Variants in ADCY2 observed in about 807,000 individuals in gnomAD.
ADCY2 encodes adenylate cyclase 2, also known as adenylate cyclase type 2.
ADCY2 carries 31 observed loss-of-function variants against 125.2 expected under a neutral mutation model. The observed-to-expected ratio is 0.25, with a 90% CI of 0.19 to 0.33. ADCY2 has a LOEUF of 0.33. ADCY2 is among the 10% of genes least tolerant of loss of function. The pLI, the probability that ADCY2 is intolerant of heterozygous loss-of-function variation, is 1.00. For missense variants in ADCY2, 904 were observed against 1,418.2 expected (o/e 0.64, Z 5.82); for synonymous variants, 512 against 548.4 (o/e 0.93, Z 0.93).
rs548907774 is a variant in ADCY2 at position 7,500,355 on chromosome 5, T to C, written c.409-20383T>C. 3.9e-5 allele frequency among the ~76,000 whole-genome samples: 6 copies of C among 152,322 alleles called. No individual in the cohort carries two copies. The South Asian group carries it at 1.2e-3, about 32-fold the overall frequency. On this transcript the variant is annotated intron_variant, in intron 2 of 24. Coordinates refer to ENST00000338316, the MANE Select transcript of ADCY2 (RefSeq NM_020546.3). ...AGCAGAACCGCTCACTCCTTAAGTA[T>C]GGGCTTCACAGGGTAACTTACTACC...
chr5:7,596,805 T>C (rs954763933), intron 3 of ADCY2, among the ~76,000 whole-genome samples: 11 of 152,344 alleles, frequency 7.2e-5, no homozygotes, highest in Admixed American at 2.0e-4. Flanking sequence ...TGGAATTAGA[T>C]GCCACAGACA....
rs1745548184 is a variant in ADCY2 at position 7,828,276 on chromosome 5, A to G, written c.*1405A>G. On this transcript the variant is annotated 3_prime_UTR_variant, in exon 25 of 25. Coordinates refer to ENST00000338316, the MANE Select transcript of ADCY2 (RefSeq NM_020546.3). The stretch of plus-strand genomic sequence containing the variant: ...AAGTAGAGAACCCAGATGATCTCTT[A>G]GGAAGCCTTTTATTCGTGGGAACTC... 6.5e-6 allele frequency: 1 copy of G among 152,790 alleles called. No individual in the cohort carries two copies. The highest frequency in any genetic ancestry group is 2.4e-5 in the African/African-American group (1 of 41,470). The allele number at this position is 152,790 out of a possible 1,614,324, so 9.5% of individuals were successfully genotyped here.
At chr5:7,487,755 C>T (rs1742994964) in intron 2 of ADCY2, among the ~76,000 whole-genome samples, 1 of 152,198 alleles carries the variant, frequency 6.6e-6, no homozygotes, top group Non-Finnish European at 1.5e-5. Context: ...GAAGATTATT[C>T]CACTTTTGAT....
intron 14 of ADCY2, among the ~76,000 whole-genome samples, chr5:7,740,823 ATATT>A (rs1297664505): frequency 6.6e-6 from 1 of 152,132 alleles, no homozygotes; most frequent in Admixed American, 6.5e-5. Context: ...AACTAGTAGA[ATATT>A]TATGTCCTTA....
intron 2 of ADCY2, among the ~76,000 whole-genome samples, chr5:7,429,595 C>T (rs1781436021): frequency 6.6e-6 from 1 of 152,088 alleles, no homozygotes; most frequent in Non-Finnish European, 1.5e-5. Flanking sequence ...AATTACAAAT[C>T]AATAACATTA....
At chr5:7,545,416 C>T (rs1259374383) in intron 3 of ADCY2, among the ~76,000 whole-genome samples, 1 of 152,108 alleles carries the variant, frequency 6.6e-6, no homozygotes, top group Non-Finnish European at 1.5e-5. Flanking sequence ...TTTGAGTGTC[C>T]TGGATACTTA....
chr5:7,445,704 C>A (rs10057329), intron 2 of ADCY2, among the ~76,000 whole-genome samples: 122,430 of 152,090 alleles, frequency 0.8, 49,798 homozygotes, highest in African/African-American at 0.88. Context: ...TTATGTGCCT[C>A]AGCATTGCAT....
At chr5:7,693,413 G>GTTGTTTTTTTTTTTT (rs1740779352) in intron 5 of ADCY2, among the ~76,000 whole-genome samples, 1 of 32,412 alleles carries the variant, frequency 3.1e-5, no homozygotes, top group African/African-American at 6.7e-5. Flanking sequence ...GCTGTTTTTT[G>GTTGTTTTTTTTTTTT]TTTTTTTTTT....
chr5:7,491,533 T>TAA (rs1288106155), intron 2 of ADCY2, among the ~76,000 whole-genome samples: 1 of 152,238 alleles, frequency 6.6e-6, no homozygotes, highest in Non-Finnish European at 1.5e-5. Context: ...GGGAACAAGT[T>TAA]AACCCATTAT....
intron 4 of ADCY2, chr5:7,685,296 GC>G (rs1740482610): frequency 6.6e-6 from 1 of 152,260 alleles, no homozygotes; most frequent in African/African-American, 2.4e-5. Flanking sequence ...TCTAGAAAGG[GC>G]CTCCCATGGT....
chr5:7,802,452 C>T lies in ADCY2; in HGVS notation c.2775+88C>T. ...AAGTTACTTCAGGATAGTGGCCTAT[C>T]CCAAAAAAACTTGTCCTTTGGCATA... On this transcript the variant is annotated intron_variant, in intron 21 of 24. Coordinates refer to ENST00000338316, the MANE Select transcript of ADCY2 (RefSeq NM_020546.3). This position sits in a 1 kb window ranked among gnomAD's most constrained non-coding sequence, Gnocchi z 4.6. 2.8e-6 allele frequency: 4 copies of T among 1,446,082 alleles called. No individual in the cohort carries two copies. Among genetic ancestry groups the T allele is most frequent in the Non-Finnish European group, 3.7e-6 (4 of 1,081,598 alleles). 89.6% of individuals were successfully genotyped at this position (1,446,082 alleles called of 1,614,324 possible). A position where few individuals can be genotyped will look rare whatever the true frequency, so the allele number is the denominator to read the frequency against.
chr5:7,801,431 G>C (rs144472719), intron 20 of ADCY2: 3 of 152,340 alleles, frequency 2.0e-5, no homozygotes, highest in African/African-American at 7.2e-5. Flanking sequence ...TAGTCTGCCT[G>C]TGTTAGGGCC....
chr5:7,633,884 A>G (rs1000456505), intron 4 of ADCY2, among the ~76,000 whole-genome samples: 7 of 152,214 alleles, frequency 4.6e-5, no homozygotes, highest in Non-Finnish European at 1.0e-4. Context: ...TGATGCTGGT[A>G]AGAATGTTTA....
chr5:7,789,581 T>C, intron 19 of ADCY2, 61 bp from the exon 20 acceptor site: 28 of 1,506,258 alleles, frequency 1.9e-5, no homozygotes, highest in Non-Finnish European at 2.5e-5. Flanking sequence ...CTTTAAAACC[T>C]CCACTCTCTG....
At chr5:7,587,454 A>G (rs1046487336) in intron 3 of ADCY2, among the ~76,000 whole-genome samples, 19 of 152,340 alleles carry the variant, frequency 1.2e-4, no homozygotes, top group Non-Finnish European at 2.5e-4. Context: ...ATTGACATCT[A>G]TTATAAATAT....
intron 3 of ADCY2, among the ~76,000 whole-genome samples, chr5:7,592,949 C>T (rs990826291): frequency 1.3e-5 from 2 of 152,190 alleles, no homozygotes; most frequent in Admixed American, 6.5e-5. Flanking sequence ...TGGGATTGTG[C>T]GATTTACCAT....
intron 2 of ADCY2, among the ~76,000 whole-genome samples, chr5:7,485,853 CAGAT>C (rs1742905955): frequency 6.6e-6 from 1 of 151,978 alleles, no homozygotes; most frequent in Admixed American, 6.6e-5. Context: ...ATTAGAAAAA[CAGAT>C]AGGAGGAGAA....
intron 3 of ADCY2, among the ~76,000 whole-genome samples, chr5:7,592,018 G>A (rs1470230021): frequency 6.6e-6 from 1 of 152,072 alleles, no homozygotes; most frequent in Non-Finnish European, 1.5e-5. Flanking sequence ...TTTAATATGT[G>A]TCACAAGTAT....
At chr5:7,651,698 C>A (rs1739096745) in intron 4 of ADCY2, among the ~76,000 whole-genome samples, 1 of 152,144 alleles carries the variant, frequency 6.6e-6, no homozygotes, top group Admixed American at 6.5e-5. Context: ...CACCCGGGAG[C>A]AACACTTTGC....
Sources: gnomAD v4.1 joint callset for allele counts (sites outside exome capture counted in the v4.1 genomes callset) on GRCh38, gnomAD v4.1.1 for gene constraint, Gnocchi (gnomAD v3.1) non-coding constraint, MANE v1.5 for transcripts, NCBI Gene and HGNC (gene_info 2026-07-23, HGNC 2026-07-21) for gene names.